LSAMP: variants seen among roughly 807,000 people sequenced by gnomAD.
LSAMP encodes limbic system associated membrane protein.
A neutral mutation model predicts 38.6 loss-of-function variants in LSAMP; 7 were observed. The ratio of observed to expected loss-of-function variants is 0.18; its 90% CI spans 0.10 to 0.34. LSAMP has a LOEUF of 0.34. Among genes scored for constraint, LSAMP ranks in the 10% least tolerant of loss-of-function variants. LSAMP has a pLI of 1.00. For missense variants in LSAMP, 313 were observed against 420.0 expected (o/e 0.75, Z 2.23); for synonymous variants, 154 against 166.8 (o/e 0.92, Z 0.59).
chr3:115,899,861 A>G (rs1936830077), intron 3 of LSAMP, among the ~76,000 whole-genome samples: 1 of 152,136 alleles, frequency 6.6e-6, no homozygotes, highest in Non-Finnish European at 1.5e-5. Context: ...ATTTATTCAC[A>G]TCTAATTTAT....
chr3:116,189,894 T>C (rs940025198), intron 1 of LSAMP, among the ~76,000 whole-genome samples: 1 of 152,144 alleles, frequency 6.6e-6, no homozygotes, highest in Admixed American at 6.6e-5. Flanking sequence ...TGAGCAAATT[T>C]CCTGTTTTTA....
chr3:116,104,398 T>TA (rs375580353), intron 1 of LSAMP, among the ~76,000 whole-genome samples: 16,335 of 139,918 alleles, frequency 0.12, 1,690 homozygotes, highest in African/African-American at 0.3. Context: ...AAGGCAATGT[T>TA]AAAAAAAAAA....
chr3:115,854,607 G>A (rs1935450456), intron 3 of LSAMP, among the ~76,000 whole-genome samples: 1 of 152,110 alleles, frequency 6.6e-6, no homozygotes, highest in Admixed American at 6.5e-5. Flanking sequence ...GATTTTACAT[G>A]TTATAGAAGT....
rs770144425 is a variant in LSAMP, at chr3:115,806,047, T to G, written c.*4270A>C. ...TTACATTTCTCTTAAAAAATGATAT[T>G]GGTAACCAAGACTAAATGCAGGCTA... On this transcript the variant is annotated 3_prime_UTR_variant, in exon 7 of 7. Coordinates refer to ENST00000490035, the MANE Select transcript of LSAMP (RefSeq NM_002338.5). The G allele has an allele frequency of 2.0e-5, 3 of 152,188 alleles. No homozygotes were observed. Among genetic ancestry groups the G allele is most frequent in the Non-Finnish European group, 4.4e-5 (3 of 68,030 alleles). 9.4% of individuals were successfully genotyped at this position (152,188 alleles called of 1,614,324 possible). A position where few individuals can be genotyped will look rare whatever the true frequency, so the allele number is the denominator to read the frequency against.
chr3:116,426,024 C>T (rs949556532), intron 1 of LSAMP, among the ~76,000 whole-genome samples: 9 of 151,666 alleles, frequency 5.9e-5, no homozygotes, highest in Non-Finnish European at 1.2e-4. Flanking sequence ...AAACTGGAGG[C>T]CAATTTTAGT....
At chr3:116,313,465 A>G (rs1177447325) in intron 1 of LSAMP, among the ~76,000 whole-genome samples, 2 of 152,162 alleles carry the variant, frequency 1.3e-5, no homozygotes, top group Non-Finnish European at 2.9e-5. Flanking sequence ...ACCCTCATCC[A>G]GTTCTGCCCT....
intron 1 of LSAMP, among the ~76,000 whole-genome samples, chr3:116,248,877 G>C (rs1056314233): frequency 6.6e-6 from 1 of 152,096 alleles, no homozygotes; most frequent in Non-Finnish European, 1.5e-5. Context: ...GCCAGGCGCG[G>C]TGGCTCACGC....
intron 1 of LSAMP, among the ~76,000 whole-genome samples, chr3:116,338,280 G>A (rs2047948737): frequency 6.6e-6 from 1 of 151,834 alleles, no homozygotes; most frequent in Non-Finnish European, 1.5e-5. Context: ...AATACTGTAG[G>A]GTTTATATGG....
chr3:116,101,000 A>G (rs1416560194), intron 1 of LSAMP, among the ~76,000 whole-genome samples: 2 of 152,120 alleles, frequency 1.3e-5, no homozygotes, highest in Non-Finnish European at 2.9e-5. Context: ...TAGCATTTTA[A>G]GTCTTTGTTT....
rs529523382 is a variant in LSAMP, at chr3:116,143,444, C to G, written c.156-56888G>C. Among the ~76,000 whole-genome samples, 15 of 151,996 alleles carry G rather than the reference C, an allele frequency of 9.9e-5. No individual in the cohort carries two copies. In the South Asian group the frequency reaches 2.5e-3, roughly 25 times the overall value. ...TAGTCAATAATAACTAATTGTACAT[C>G]TTAAAATAACTTAGAGTGTAATTGG... On this transcript the variant is annotated intron_variant, in intron 1 of 6. Coordinates refer to ENST00000490035, the MANE Select transcript of LSAMP (RefSeq NM_002338.5).
intron 1 of LSAMP, among the ~76,000 whole-genome samples, chr3:116,233,412 CAAAAAAAAA>C (rs3028677): frequency 1.4e-5 from 1 of 70,046 alleles, no homozygotes; most frequent in African/African-American, 6.2e-5. Context: ...GACTCTGTCT[CAAAAAAAAA>C]AAAAAAAAAA....
At chr3:116,106,126 C>T (rs955092828) in intron 1 of LSAMP, among the ~76,000 whole-genome samples, 2 of 152,104 alleles carry the variant, frequency 1.3e-5, no homozygotes, top group Admixed American at 6.6e-5. Flanking sequence ...AGAATTGGGA[C>T]GACTCAGGAT....
chr3:116,201,286 G>A (rs2045983374), intron 1 of LSAMP, among the ~76,000 whole-genome samples: 1 of 152,194 alleles, frequency 6.6e-6, no homozygotes, highest in Non-Finnish European at 1.5e-5. Flanking sequence ...GCATCAGCCA[G>A]TACAGATTTA....
chr3:115,807,074 C>A lies in LSAMP; in HGVS notation c.*3243G>T, dbSNP rs1933647009. 6.6e-6 allele frequency: 1 copy of A among 152,174 alleles called. No homozygotes were observed. The highest frequency in any genetic ancestry group is 2.1e-4 in the South Asian group (1 of 4,820). The allele number at this position is 152,174 out of a possible 1,614,324, so 9.4% of individuals were successfully genotyped here. A position where few individuals can be genotyped will look rare whatever the true frequency, so the allele number is the denominator to read the frequency against. ...ACTCCTCTCAGTATATTATTTCCAA[C>A]CAGTTGGTGCTTTTCAGTGCGGGGT... On this transcript the variant is annotated 3_prime_UTR_variant, in exon 7 of 7. Transcript: ENST00000490035.
At chr3:115,917,688 T>C (rs1197676167) in intron 3 of LSAMP, among the ~76,000 whole-genome samples, 1 of 152,056 alleles carries the variant, frequency 6.6e-6, no homozygotes, top group Non-Finnish European at 1.5e-5. Flanking sequence ...GAAAACACGC[T>C]TTGGAGGAAT....
intron 1 of LSAMP, among the ~76,000 whole-genome samples, chr3:116,427,462 C>A (rs949890501): frequency 1.2e-4 from 18 of 152,192 alleles, no homozygotes; most frequent in Non-Finnish European, 7.3e-5. Flanking sequence ...AGAAACACAT[C>A]AGCTCACGGC....
chr3:115,959,761 G>T (rs1938566336), intron 3 of LSAMP, among the ~76,000 whole-genome samples: 1 of 152,066 alleles, frequency 6.6e-6, no homozygotes, highest in Non-Finnish European at 1.5e-5. Context: ...CTCACTAAAA[G>T]GTAGCTGCTG....
At chr3:115,914,438 C>T (rs1169533935) in intron 3 of LSAMP, among the ~76,000 whole-genome samples, 1 of 152,214 alleles carries the variant, frequency 6.6e-6, no homozygotes, top group Non-Finnish European at 1.5e-5. Context: ...ATCCCCCTAT[C>T]GTTGGTGTTT....
At chr3:116,160,331 G>A (rs566730890) in intron 1 of LSAMP, among the ~76,000 whole-genome samples, 32 of 150,916 alleles carry the variant, frequency 2.1e-4, no homozygotes, top group African/African-American at 4.8e-4. Flanking sequence ...CCCGGGAGGC[G>A]GAGGATGCAG....
Sources: allele counts gnomAD v4.1 joint callset (sites outside exome capture counted in the v4.1 genomes callset), GRCh38; gene constraint gnomAD v4.1.1; transcripts MANE v1.5; gene names NCBI Gene and HGNC (gene_info 2026-07-23, HGNC 2026-07-21).